Variants in TTK observed in about 807,000 individuals in gnomAD.
The protein encoded by TTK is TTK protein kinase.
Under a neutral mutation model 117.3 loss-of-function variants are expected in TTK, and 59 were observed. That is an observed-to-expected ratio of 0.50 (90% CI 0.41 to 0.62). TTK has a LOEUF of 0.62. Among genes scored for constraint, TTK ranks in the 20% least tolerant of loss-of-function variants. TTK has a pLI of 0.00. For missense variants in TTK, 921 were observed against 989.4 expected (o/e 0.93, Z 0.93); for synonymous variants, 302 against 325.0 (o/e 0.93, Z 0.76).
intron 9 of TTK, 197 bp downstream of exon 9, chr6:80,013,563 G>A: frequency 4.5e-6 from 2 of 442,418 alleles, no homozygotes; most frequent in South Asian, 4.2e-5. Context: ...CAAGATTAAG[G>A]TGGTAGAGCA....
rs1049509143 is a variant in TTK at position 80,020,376 on chromosome 6, C to T, written c.1109-1948C>T. On this transcript the variant is annotated intron_variant, in intron 10 of 21. Transcript: ENST00000369798. ...ACTAATGATTCTGTTATAATCATAA[C>T]TGGCTGACCTGTATAAGAAAAATAA... Among the ~76,000 whole-genome samples the T allele has an allele frequency of 3.9e-5, 6 of 152,124 alleles. 1 individual carries two copies. Among genetic ancestry groups the T allele is most frequent in the Admixed American group, 2.0e-4 (3 of 15,268 alleles).
intron 2 of TTK, 170 bp downstream of exon 2, chr6:80,006,152 A>C (rs976591496): frequency 1.0e-5 from 8 of 798,094 alleles, no homozygotes; most frequent in Non-Finnish European, 1.4e-5. Context: ...TATCCACAGA[A>C]CTTTGAATGG....
chr6:80,005,804 T>C, intron 1 of TTK, 38 bp from the exon 2 acceptor site: 1 of 1,588,852 alleles, frequency 6.3e-7, no homozygotes, highest in Non-Finnish European at 8.5e-7. Context: ...TTGATGCTAG[T>C]TAAAGTAGGA....
Position 80,011,431 on chromosome 6 carries a change from C to A in TTK, c.614-3C>A. On this transcript the variant is annotated splice_polypyrimidine_tract_variant and splice_region_variant and intron_variant, in intron 5 of 21. Coordinates refer to ENST00000369798, the MANE Select transcript of TTK (RefSeq NM_003318.5). ...TTTAATCATAGTTTCAAAATTTTTA[C>A]AGCATCTACGGTATTAACTGCCCAA... is the stretch of plus-strand genomic sequence containing the variant. The A allele has an allele frequency of 2.6e-6, 4 of 1,545,940 alleles. No individual in the cohort carries two copies. Among genetic ancestry groups the A allele is most frequent in the Non-Finnish European group, 3.5e-6 (4 of 1,154,054 alleles).
At chr6:80,018,015 C>T (rs953989730) in intron 10 of TTK, among the ~76,000 whole-genome samples, 1 of 151,846 alleles carries the variant, frequency 6.6e-6, no homozygotes, top group African/African-American at 2.4e-5. Context: ...GAAACCTTGT[C>T]TACAGAAAAG....
intron 10 of TTK, among the ~76,000 whole-genome samples, chr6:80,016,716 A>G (rs1414644612): frequency 1.3e-5 from 2 of 152,200 alleles, no homozygotes; most frequent in Non-Finnish European, 2.9e-5. Context: ...TGAAAATGCA[A>G]GAACGATTAA....
chr6:80,008,417 T>G lies in TTK; in HGVS notation c.394T>G (p.Phe132Val). Residue 132 changes from phenylalanine to valine, a missense_variant, in exon 4 of 22, where the codon TTT (phenylalanine) becomes GTT (valine). Coordinates refer to ENST00000369798, the MANE Select transcript of TTK (RefSeq NM_003318.5). ...IQEPDDARDY[F>V]QMARANCKKF... is the part of the protein sequence containing the mutation. ...AGAGCCAGATGATGCACGTGACTAC[T>G]TTCAAATGGCCAGAGCAAACTGCAA... The G allele has an allele frequency of 6.2e-7, 1 of 1,612,336 alleles. No individual in the cohort carries two copies. Among genetic ancestry groups the G allele is most frequent in the Non-Finnish European group, 8.5e-7 (1 of 1,179,146 alleles).
chr6:80,021,559 G>C (rs1418908217), intron 10 of TTK, among the ~76,000 whole-genome samples: 1 of 152,220 alleles, frequency 6.6e-6, no homozygotes, highest in African/African-American at 2.4e-5. Flanking sequence ...GACTGGCCAG[G>C]CTCATGCCCT....
At chr6:80,012,095 T>G in intron 8 of TTK, 115 bp downstream of exon 8, 1 of 825,728 alleles carries the variant, frequency 1.2e-6, no homozygotes, top group Non-Finnish European at 1.8e-6. Flanking sequence ...TTATTCAGTT[T>G]TAGAAGATAA....
intron 13 of TTK, among the ~76,000 whole-genome samples, chr6:80,030,306 C>T (rs1767723106): frequency 6.6e-6 from 1 of 152,090 alleles, no homozygotes; most frequent in Admixed American, 6.6e-5. Flanking sequence ...GAGAGATCCT[C>T]CAATATAAGG....
At chr6:80,034,409 C>T (rs1455614678) in intron 14 of TTK, among the ~76,000 whole-genome samples, 10 of 152,150 alleles carry the variant, frequency 6.6e-5, no homozygotes, top group African/African-American at 1.9e-4. Flanking sequence ...CTCATTCATG[C>T]AAAAATTGCT....
chr6:80,032,527 A>G (rs1312787301), intron 14 of TTK, among the ~76,000 whole-genome samples: 1 of 152,186 alleles, frequency 6.6e-6, no homozygotes, highest in Non-Finnish European at 1.5e-5. Context: ...TATATTCAAC[A>G]TCGCTTCTTA....
chr6:80,035,784 G>A (rs2127682758), intron 16 of TTK, among the ~76,000 whole-genome samples: 1 of 152,134 alleles, frequency 6.6e-6, no homozygotes, highest in Non-Finnish European at 1.5e-5. Flanking sequence ...ATTTTGTATT[G>A]TATGCCCTGT....
intron 9 of TTK, among the ~76,000 whole-genome samples, chr6:80,013,931 T>C (rs575512253): frequency 1.9e-4 from 29 of 152,190 alleles, no homozygotes; most frequent in Admixed American, 1.5e-3. Context: ...CTTTTCAATT[T>C]TATGTTCTTT....
chr6:80,032,871 G>T (rs61794), intron 14 of TTK, among the ~76,000 whole-genome samples: 93,934 of 151,886 alleles, frequency 0.62, 29,483 homozygotes, highest in Admixed American at 0.73. Flanking sequence ...TGACAAATTA[G>T]AGTTGTATAT....
At chr6:80,012,453 A>G (rs775608903) in intron 8 of TTK, among the ~76,000 whole-genome samples, 3 of 151,972 alleles carry the variant, frequency 2.0e-5, no homozygotes, top group Non-Finnish European at 4.4e-5. Context: ...CAGATGAATT[A>G]CTGTTCATCA....
intron 13 of TTK, among the ~76,000 whole-genome samples, chr6:80,029,698 G>A (rs1365561283): frequency 6.6e-6 from 1 of 152,190 alleles, no homozygotes; most frequent in African/African-American, 2.4e-5. Flanking sequence ...ACCCTAAGAG[G>A]GTGGGAAGCT....
chr6:80,015,165 T>C, intron 10 of TTK, among the ~76,000 whole-genome samples: 1 of 144,948 alleles, frequency 6.9e-6, no homozygotes, highest in East Asian at 2.1e-4. Flanking sequence ...TGGTGAAGTT[T>C]GAAGAAACAA....
intron 3 of TTK, 63 bp from the exon 4 acceptor site, chr6:80,008,323 C>A: frequency 6.8e-7 from 1 of 1,468,466 alleles, no homozygotes; most frequent in Non-Finnish European, 9.3e-7. Flanking sequence ...TTGAATGAAG[C>A]ATTATCAAAT....
Sources: allele counts gnomAD v4.1 joint callset (sites outside exome capture counted in the v4.1 genomes callset), GRCh38; gene constraint gnomAD v4.1.1; transcripts MANE v1.5; gene names NCBI Gene and HGNC (gene_info 2026-07-23, HGNC 2026-07-21).